Variants in CDH18 observed in about 807,000 individuals in gnomAD.
CDH18 encodes the protein cadherin-18.
A neutral mutation model predicts 67.9 loss-of-function variants in CDH18; 31 were observed. The observed-to-expected ratio is 0.46, with a 90% CI of 0.34 to 0.62. The LOEUF is 0.62. Among genes scored for constraint, CDH18 ranks in the 20% least tolerant of loss-of-function variants. CDH18 has a pLI of 0.01. For synonymous variants in CDH18, 362 were observed against 347.2 expected, an observed-to-expected ratio of 1.04 and a Z score of -0.48; for missense variants, 890 against 975.5, an observed-to-expected ratio of 0.91 and a Z score of 1.17.
chr5:19,905,585 G>T (rs1461807964), intron 2 of CDH18, among the ~76,000 whole-genome samples: 1 of 151,512 alleles, frequency 6.6e-6, no homozygotes, highest in East Asian at 1.9e-4. Context: ...AAAAAGAATT[G>T]GTCAACACTA....
chr5:20,417,046 C>T (rs1000107917), intron 1 of CDH18, among the ~76,000 whole-genome samples: 1 of 152,112 alleles, frequency 6.6e-6, no homozygotes, highest in Non-Finnish European at 1.5e-5. Context: ...TGAGTTTCCT[C>T]ATAAGTGTAT....
At chr5:20,082,963 G>A (rs114978171) in intron 2 of CDH18, among the ~76,000 whole-genome samples, 2,238 of 152,240 alleles carry the variant, frequency 0.015, 46 homozygotes, top group African/African-American at 0.048. Flanking sequence ...GTAAATATTC[G>A]TGATCCAAAT....
At chr5:19,690,677 A>G (rs1468459464) in intron 5 of CDH18, among the ~76,000 whole-genome samples, 1 of 151,848 alleles carries the variant, frequency 6.6e-6, no homozygotes, top group Non-Finnish European at 1.5e-5. Flanking sequence ...TAGAAAAACT[A>G]GAGAAAATAG....
chr5:20,454,241 T>C (rs1018599614), intron 1 of CDH18, among the ~76,000 whole-genome samples: 2 of 152,152 alleles, frequency 1.3e-5, no homozygotes, highest in Non-Finnish European at 2.9e-5. Flanking sequence ...TATCAATAGA[T>C]TCAACTTTGG....
At chr5:20,284,861 T>C (rs1296228241) in intron 1 of CDH18, among the ~76,000 whole-genome samples, 1 of 151,952 alleles carries the variant, frequency 6.6e-6, no homozygotes, top group African/African-American at 2.4e-5. Flanking sequence ...ATCTGTTTCA[T>C]AGCCATAGTG....
chr5:20,089,604 C>T (rs546200870), intron 2 of CDH18, among the ~76,000 whole-genome samples: 1 of 152,092 alleles, frequency 6.6e-6, no homozygotes, highest in African/African-American at 2.4e-5. Flanking sequence ...ATGAAAACCC[C>T]AGATTTTCAC....
chr5:20,020,355 C>G (rs1476193084), intron 2 of CDH18, among the ~76,000 whole-genome samples: 1 of 152,222 alleles, frequency 6.6e-6, no homozygotes, highest in East Asian at 1.9e-4. Context: ...CATAAGTAAA[C>G]AGGAGCTGAA....
chr5:20,082,780 G>A lies in CDH18; in HGVS notation c.-517-90766C>T, dbSNP rs183144742. Among the ~76,000 whole-genome samples the A allele has an allele frequency of 4.6e-5, 7 of 152,248 alleles. No individual in the cohort carries two copies. In the East Asian group the frequency reaches 5.8e-4, roughly 13 times the overall value. On this transcript the variant is annotated intron_variant, in intron 2 of 14. Transcript: ENST00000507958. ...TTTGAACAAAAAGACAAACATATGC[G>A]GAGAAAGACAGTGTGAAAGCACATG...
intron 2 of CDH18, among the ~76,000 whole-genome samples, chr5:20,126,259 G>C (rs1044185230): frequency 6.6e-6 from 1 of 152,150 alleles, no homozygotes; most frequent in African/African-American, 2.4e-5. Context: ...GCATATTGTG[G>C]TGTGAAAGAA....
At chr5:19,828,052 C>A (rs1417385525) in intron 3 of CDH18, among the ~76,000 whole-genome samples, 1 of 152,038 alleles carries the variant, frequency 6.6e-6, no homozygotes, top group African/African-American at 2.4e-5. Context: ...TTACCAATGA[C>A]CCCACAGAAA....
At chr5:20,484,644 T>A (rs1417193274) in intron 1 of CDH18, among the ~76,000 whole-genome samples, 1 of 151,966 alleles carries the variant, frequency 6.6e-6, no homozygotes, top group African/African-American at 2.4e-5. Context: ...ATGGATGGAA[T>A]TGGAGGTCCT....
At chr5:19,552,287 A>C (rs1232628046) in intron 8 of CDH18, among the ~76,000 whole-genome samples, 2 of 152,158 alleles carry the variant, frequency 1.3e-5, no homozygotes, top group Non-Finnish European at 2.9e-5. Flanking sequence ...ACATTGCACA[A>C]AGAACAAATA....
At chr5:19,506,879 G>A (rs1744265067) in intron 10 of CDH18, among the ~76,000 whole-genome samples, 1 of 152,142 alleles carries the variant, frequency 6.6e-6, no homozygotes, top group Admixed American at 6.5e-5. Flanking sequence ...AAAAGCAATG[G>A]CAACAAAAGC....
At chr5:20,056,964 T>C (rs980093686) in intron 2 of CDH18, among the ~76,000 whole-genome samples, 17 of 151,608 alleles carry the variant, frequency 1.1e-4, no homozygotes. Context: ...AGATTACAGG[T>C]GTGAGCCACC....
chr5:20,054,264 A>G (rs1741708735), intron 2 of CDH18, among the ~76,000 whole-genome samples: 1 of 152,190 alleles, frequency 6.6e-6, no homozygotes, highest in South Asian at 2.1e-4. Flanking sequence ...TTAAAACATG[A>G]GCTGAATGGA....
chr5:20,456,609 T>A (rs1309862504), intron 1 of CDH18, among the ~76,000 whole-genome samples: 1 of 152,164 alleles, frequency 6.6e-6, no homozygotes, highest in African/African-American at 2.4e-5. Flanking sequence ...GGGAAAACAG[T>A]ATAAATGGAA....
chr5:19,919,547 A>G (rs1390228309), intron 2 of CDH18, among the ~76,000 whole-genome samples: 1 of 152,204 alleles, frequency 6.6e-6, no homozygotes, highest in Non-Finnish European at 1.5e-5. Context: ...GATGTTTGCA[A>G]AGGATTGGAG....
intron 1 of CDH18, among the ~76,000 whole-genome samples, chr5:20,266,931 T>A (rs1266148471): frequency 6.6e-6 from 1 of 152,130 alleles, no homozygotes; most frequent in East Asian, 1.9e-4. Flanking sequence ...AAGGAATGCA[T>A]AATATGTTCA....
chr5:19,936,051 A>G (rs1053990771), intron 2 of CDH18, among the ~76,000 whole-genome samples: 11 of 151,246 alleles, frequency 7.3e-5, no homozygotes, highest in African/African-American at 2.7e-4. Flanking sequence ...AAATCCATAT[A>G]TAATTAGCGT....
Sources: allele counts gnomAD v4.1 joint callset (sites outside exome capture counted in the v4.1 genomes callset), GRCh38; gene constraint gnomAD v4.1.1; transcripts MANE v1.5; gene names NCBI Gene and HGNC (gene_info 2026-07-23, HGNC 2026-07-21).